SRPK2: variants seen among roughly 807,000 people sequenced by gnomAD.
The protein encoded by SRPK2 is SFRS protein kinase 2.
SRPK2 carries 21 observed loss-of-function variants against 90.8 expected under a neutral mutation model. That is an observed-to-expected ratio of 0.23 (90% confidence interval 0.16 to 0.33). SRPK2 has a LOEUF of 0.33. Ranked by LOEUF, SRPK2 falls within the 10% of genes least tolerant of loss-of-function variation. SRPK2 has a pLI of 1.00. For synonymous variants in SRPK2, 288 were observed against 311.1 expected, an observed-to-expected ratio of 0.93 and a Z score of 0.78; for missense variants, 620 against 869.0, an observed-to-expected ratio of 0.71 and a Z score of 3.60.
chr7:105,283,462 T>C (rs2130861721), intron 2 of SRPK2, among the ~76,000 whole-genome samples: 1 of 152,302 alleles, frequency 6.6e-6, no homozygotes, highest in South Asian at 2.1e-4. Context: ...TACTAATACA[T>C]GCTACCGTAT....
In SRPK2 at chr7:105,366,367, CTT is replaced by C. The variant is rs34409221; in HGVS notation, c.71+22279_71+22280del. ...ATTGTATTAGCATCTACAGGTATGC[CTT>C]TTTTTTTTTTTTCTTTTTGAGACGG... On this transcript the variant is annotated intron_variant, in intron 2 of 15. Coordinates refer to ENST00000393651, the MANE Select transcript of SRPK2 (RefSeq NM_182692.3). 1.4e-3 allele frequency among the ~76,000 whole-genome samples: 199 copies of C among 139,352 alleles called. 1 individual carries two copies. Among genetic ancestry groups the C allele is most frequent in the African/African-American group, 4.9e-3 (184 of 37,378 alleles). The allele number at this position is 139,352 out of a possible 152,430, so 91.4% of individuals were successfully genotyped here.
chr7:105,244,158 G>A (rs1484407476), intron 2 of SRPK2, among the ~76,000 whole-genome samples: 1 of 152,230 alleles, frequency 6.6e-6, no homozygotes, highest in Non-Finnish European at 1.5e-5. Context: ...AGTAGGTGGA[G>A]ACCCCACTGA....
chr7:105,295,049 A>T (rs1463027489), intron 2 of SRPK2, among the ~76,000 whole-genome samples: 1 of 151,896 alleles, frequency 6.6e-6, no homozygotes, highest in Non-Finnish European at 1.5e-5. Context: ...TGTCTCTACT[A>T]AAAACAAAAA....
intron 2 of SRPK2, among the ~76,000 whole-genome samples, chr7:105,280,251 C>T (rs1427998823): frequency 6.6e-6 from 1 of 151,974 alleles, no homozygotes; most frequent in Non-Finnish European, 1.5e-5. Flanking sequence ...TCCATCTCTA[C>T]TAAAAATACA....
chr7:105,157,015 G>A (rs1454255491), intron 7 of SRPK2, among the ~76,000 whole-genome samples: 1 of 152,178 alleles, frequency 6.6e-6, no homozygotes, highest in African/African-American at 2.4e-5. Flanking sequence ...ATGGGAATAT[G>A]AGTCATTAAA....
chr7:105,149,621 C>T (rs554826027), intron 7 of SRPK2, among the ~76,000 whole-genome samples: 62 of 152,252 alleles, frequency 4.1e-4, no homozygotes, highest in Middle Eastern at 3.4e-3. Context: ...TCGTCCCACC[C>T]GACTAGAAAT....
At chr7:105,330,071 G>T (rs368746316) in intron 2 of SRPK2, among the ~76,000 whole-genome samples, 1 of 151,678 alleles carries the variant, frequency 6.6e-6, no homozygotes, top group Non-Finnish European at 1.5e-5. Flanking sequence ...AGCCAGGCGC[G>T]ATGGCTCACA....
chr7:105,369,199 T>C (rs570682954), intron 2 of SRPK2, among the ~76,000 whole-genome samples: 71 of 151,874 alleles, frequency 4.7e-4, no homozygotes, highest in African/African-American at 1.6e-3. Context: ...CAGGCTGCAG[T>C]GAAATGGCAC....
chr7:105,389,115 T>C (rs1586031910), upstream of SRPK2: 1 of 925,688 alleles, frequency 1.1e-6, no homozygotes, highest in Non-Finnish European at 1.3e-6. Context: ...GCCCTCGGCC[T>C]CCCCCACCCC....
intron 3 of SRPK2, among the ~76,000 whole-genome samples, chr7:105,176,613 ACGTGTGTG>A (rs1408927471): frequency 4.8e-4 from 9 of 18,782 alleles, no homozygotes; most frequent in South Asian, 1.9e-3. Context: ...GTGTGTGTAT[ACGTGTGTG>A]TATATATATA....
At chr7:105,188,338 G>A (rs1178591370) in intron 3 of SRPK2, among the ~76,000 whole-genome samples, 1 of 151,386 alleles carries the variant, frequency 6.6e-6, no homozygotes, top group Non-Finnish European at 1.5e-5. Flanking sequence ...GAGGGGAGGA[G>A]AATAGGGACT....
chr7:105,317,214 T>C (rs1238065609), intron 2 of SRPK2, among the ~76,000 whole-genome samples: 1 of 152,246 alleles, frequency 6.6e-6, no homozygotes, highest in African/African-American at 2.4e-5. Flanking sequence ...TGGATTAAGC[T>C]GCTGGCATCT....
intron 3 of SRPK2, among the ~76,000 whole-genome samples, chr7:105,171,781 A>G (rs1791187063): frequency 6.6e-6 from 1 of 152,258 alleles, no homozygotes; most frequent in Non-Finnish European, 1.5e-5. Flanking sequence ...GAACTAAATG[A>G]TAGTGAATTA....
intron 2 of SRPK2, among the ~76,000 whole-genome samples, chr7:105,365,950 G>A (rs1159662696): frequency 6.6e-6 from 1 of 151,630 alleles, no homozygotes; most frequent in African/African-American, 2.4e-5. Context: ...TGCCTCCAGG[G>A]TTCAAGTGAT....
At chr7:105,392,727 G>C, upstream of SRPK2, among the ~76,000 whole-genome samples, 1 of 151,382 alleles carries the variant, frequency 6.6e-6, no homozygotes. Context: ...GAAACTCTTG[G>C]CCTCAAGTGA....
chr7:105,129,453 C>T (rs1801683796), intron 13 of SRPK2, among the ~76,000 whole-genome samples: 1 of 152,194 alleles, frequency 6.6e-6, no homozygotes, highest in Admixed American at 6.5e-5. Context: ...TGGCTCACTA[C>T]AACCTCTGCC....
chr7:105,205,995 C>T (rs1272715620), intron 2 of SRPK2: 3 of 518,858 alleles, frequency 5.8e-6, no homozygotes, highest in Non-Finnish European at 1.2e-5. Flanking sequence ...GAAATGATGG[C>T]TCTTGTGCTG....
At chr7:105,269,121 T>C in intron 2 of SRPK2, 1 of 1,106,784 alleles carries the variant, frequency 9.0e-7, no homozygotes, top group Non-Finnish European at 1.1e-6. Context: ...AGGGGTGTTT[T>C]CTTTTTTAAG....
chr7:105,260,326 C>T (rs1804033162), intron 2 of SRPK2, among the ~76,000 whole-genome samples: 1 of 152,180 alleles, frequency 6.6e-6, no homozygotes, highest in Non-Finnish European at 1.5e-5. Flanking sequence ...ATCAAAACCA[C>T]AATGAGATAC....
Sources: allele counts gnomAD v4.1 joint callset (sites outside exome capture counted in the v4.1 genomes callset), GRCh38; gene constraint gnomAD v4.1.1; transcripts MANE v1.5; gene names NCBI Gene and HGNC (gene_info 2026-07-23, HGNC 2026-07-21).